The following MARK3 variants were observed in gnomAD, a reference collection of about 807,000 sequenced individuals.
MARK3 encodes MAP/microtubule affinity-regulating kinase 3.
In MARK3, 46 loss-of-function variants were observed where a neutral mutation model predicts 90.1. That is an observed-to-expected ratio of 0.51 (90% confidence interval 0.40 to 0.65). MARK3 has a LOEUF of 0.65. Ranked by LOEUF, MARK3 falls within the 30% of genes least tolerant of loss-of-function variation. The pLI is 0.00. For synonymous variants in MARK3, 321 were observed against 332.6 expected, an observed-to-expected ratio of 0.97 and a Z score of 0.38; for missense variants, 818 against 947.2, an observed-to-expected ratio of 0.86 and a Z score of 1.79.
chr14:103,499,747 T>C (rs1266811063), intron 16 of MARK3: 1 of 161,028 alleles, frequency 6.2e-6, no homozygotes, highest in Non-Finnish European at 1.4e-5. Flanking sequence ...CATTGGCTTT[T>C]AATTGGAAAC....
chr14:103,451,912 C>T lies in MARK3; in HGVS notation c.347-6C>T. 6.2e-7 allele frequency: 1 copy of T among 1,607,148 alleles called. No homozygotes were observed. Among genetic ancestry groups the T allele is most frequent in the Non-Finnish European group, 8.5e-7 (1 of 1,175,016 alleles). On this transcript the variant is annotated splice_region_variant and splice_polypyrimidine_tract_variant and intron_variant, in intron 4 of 17. Coordinates refer to ENST00000429436, the MANE Select transcript of MARK3 (RefSeq NM_001128918.3). Reference sequence around the variant, plus strand: ...TTTTTCTTCCGTGTCCTCTCCTCTCCCGCAGTGAAGTTATTCGAAGTCATT... The same window carrying T: ...TTTTTCTTCCGTGTCCTCTCCTCTCTCGCAGTGAAGTTATTCGAAGTCATT...
chr14:103,389,876 G>A (rs1347876687), intron 1 of MARK3, among the ~76,000 whole-genome samples: 6 of 144,040 alleles, frequency 4.2e-5, no homozygotes, highest in African/African-American at 1.0e-4. Context: ...CCCTGGAGAC[G>A]GAGAGTGCAG....
At chr14:103,457,667 G>T (rs1198685999) in intron 6 of MARK3, among the ~76,000 whole-genome samples, 1 of 152,124 alleles carries the variant, frequency 6.6e-6, no homozygotes, top group Non-Finnish European at 1.5e-5. Context: ...AAGAGACTCG[G>T]GTTTTAATAA....
chr14:103,496,492 A>G (rs2075348202), intron 15 of MARK3, among the ~76,000 whole-genome samples: 1 of 151,648 alleles, frequency 6.6e-6, no homozygotes, highest in Non-Finnish European at 1.5e-5. Context: ...GGTTCACTGC[A>G]GTGTCTGCCT....
intron 12 of MARK3, among the ~76,000 whole-genome samples, chr14:103,468,645 C>T (rs958686932): frequency 2.6e-5 from 4 of 151,866 alleles, no homozygotes; most frequent in African/African-American, 9.7e-5. Context: ...TCTTAGTGTT[C>T]CTGCAGGTGC....
chr14:103,494,962 T>C (rs529040747), intron 15 of MARK3, among the ~76,000 whole-genome samples: 16 of 152,356 alleles, frequency 1.1e-4, no homozygotes, highest in Admixed American at 9.1e-4. Flanking sequence ...ACAGTCATAT[T>C]CATTTTATAC....
In MARK3 at chr14:103,451,378, AG is replaced by A. The variant is rs142799029; in HGVS notation, c.347-539del. Among the ~76,000 whole-genome samples the A allele has an allele frequency of 3.4e-3, 522 of 152,346 alleles. 5 individuals carry two copies. Among genetic ancestry groups the A allele is most frequent in the African/African-American group, 0.012 (496 of 41,570 alleles). On this transcript the variant is annotated intron_variant, in intron 4 of 17. Transcript: ENST00000429436. ...AAGATTCCCCCCCTCAATTAATTGCAGTATAATCCCTCTACTTCTTTCCATC... is the reference window on the plus strand; with the variant it reads ...AAGATTCCCCCCCTCAATTAATTGCATATAATCCCTCTACTTCTTTCCATC...
At chr14:103,386,102 G>C (rs1291761121) in intron 1 of MARK3, 22 bp downstream of exon 1, 1 of 1,613,488 alleles carries the variant, frequency 6.2e-7, no homozygotes, top group East Asian at 2.2e-5. Context: ...GGGCGTTGTA[G>C]TTGGCGGACC....
intron 14 of MARK3, chr14:103,490,982 C>G: frequency 1.6e-6 from 2 of 1,285,530 alleles, no homozygotes; most frequent in Non-Finnish European, 1.0e-6. Context: ...ACGCAGCTAG[C>G]CCTGCCTCAG....
At chr14:103,474,343 A>G (rs967968558) in intron 12 of MARK3, among the ~76,000 whole-genome samples, 10 of 152,320 alleles carry the variant, frequency 6.6e-5, no homozygotes, top group Non-Finnish European at 1.5e-4. Context: ...TGGAGTCTCT[A>G]TATGGTTTAC....
At chr14:103,435,655 G>A (rs928038651) in intron 3 of MARK3, among the ~76,000 whole-genome samples, 10 of 151,912 alleles carry the variant, frequency 6.6e-5, no homozygotes, top group African/African-American at 1.2e-4. Flanking sequence ...TGATCTGCCC[G>A]CCTTGGCCTC....
At chr14:103,500,122 C>G in intron 16 of MARK3, 34 bp from the exon 17 acceptor site, 1 of 1,577,194 alleles carries the variant, frequency 6.3e-7, no homozygotes, top group Non-Finnish European at 8.7e-7. Flanking sequence ...TTCTCTTTCC[C>G]TCTTCTCTCT....
chr14:103,431,329 C>T (rs1156760950), intron 3 of MARK3, among the ~76,000 whole-genome samples: 1 of 152,250 alleles, frequency 6.6e-6, no homozygotes, highest in South Asian at 2.1e-4. Flanking sequence ...AACTCCTGAC[C>T]TCAGGTGATC....
chr14:103,412,820 T>C (rs2091730592), intron 2 of MARK3: 2 of 368,604 alleles, frequency 5.4e-6, no homozygotes, highest in Non-Finnish European at 1.0e-5. Context: ...AAATTATTAA[T>C]AGTTTGGGAG....
chr14:103,497,260 C>CT (rs1263624931), intron 15 of MARK3, among the ~76,000 whole-genome samples: 2 of 152,080 alleles, frequency 1.3e-5, no homozygotes, highest in Non-Finnish European at 2.9e-5. Context: ...AGTAGTTAGA[C>CT]TTTTTTTAAA....
At chr14:103,442,998 T>C (rs917797556) in intron 3 of MARK3, among the ~76,000 whole-genome samples, 1 of 144,422 alleles carries the variant, frequency 6.9e-6, no homozygotes. Context: ...ATAGATAAGC[T>C]ACTAAGTGCT....
Position 103,503,431 on chromosome 14 carries a change from C to G in MARK3, c.*204C>G. The G allele has an allele frequency of 1.8e-6, 1 of 570,566 alleles. No homozygotes were observed. The highest frequency in any genetic ancestry group is 3.1e-6 in the Non-Finnish European group (1 of 325,146). 35.3% of individuals were successfully genotyped at this position (570,566 alleles called of 1,614,324 possible). On this transcript the variant is annotated 3_prime_UTR_variant, in exon 18 of 18. Coordinates refer to ENST00000429436, the MANE Select transcript of MARK3 (RefSeq NM_001128918.3). ...TTAAAGATGTGCAACCTATGCGCCC[C>G]CTGCCCTACTTCCGTTACCCTGAGA...
intron 2 of MARK3, among the ~76,000 whole-genome samples, chr14:103,426,595 G>C (rs954519978): frequency 6.6e-6 from 1 of 152,090 alleles, no homozygotes; most frequent in Non-Finnish European, 1.5e-5. Flanking sequence ...CCCTGGTCAT[G>C]GCAAAGCCTC....
chr14:103,399,650 G>C (rs181895635), intron 1 of MARK3, among the ~76,000 whole-genome samples: 13 of 145,028 alleles, frequency 9.0e-5, no homozygotes, highest in African/African-American at 3.4e-4. Flanking sequence ...AGTGAATCGA[G>C]ATGGCGCCAC....
Sources: gnomAD v4.1 joint callset for allele counts (sites outside exome capture counted in the v4.1 genomes callset) on GRCh38, gnomAD v4.1.1 for gene constraint, MANE v1.5 for transcripts, NCBI Gene and HGNC (gene_info 2026-07-23, HGNC 2026-07-21) for gene names.